The following SUSD4 variants were observed in gnomAD, a reference collection of about 807,000 sequenced individuals.
The protein encoded by SUSD4 is sushi domain containing 4, also known as sushi domain-containing protein 4.
A neutral mutation model predicts 50.5 loss-of-function variants in SUSD4; 41 were observed. The ratio of observed to expected loss-of-function variants is 0.81; its 90% CI spans 0.63 to 1.05. SUSD4 has a LOEUF of 1.05. Among genes scored for constraint, SUSD4 ranks in the 50% least tolerant of loss-of-function variants. The probability of loss-of-function intolerance (pLI) is 0.00; values close to 1 mark genes in which losing one functional copy is unlikely to be tolerated. For missense variants in SUSD4, 580 were observed against 634.7 expected (o/e 0.91, Z 0.93); for synonymous variants, 257 against 257.3 (o/e 1.00, Z 0.01).
chr1:223,273,498 G>A (rs751488044), intron 3 of SUSD4, among the ~76,000 whole-genome samples: 21 of 152,234 alleles, frequency 1.4e-4, no homozygotes, highest in Non-Finnish European at 2.1e-4. Flanking sequence ...TCTGGGCCAC[G>A]CTAGACAGAT....
intron 2 of SUSD4, among the ~76,000 whole-genome samples, chr1:223,302,441 C>T (rs1665256385): frequency 6.6e-6 from 1 of 152,220 alleles, no homozygotes; most frequent in Non-Finnish European, 1.5e-5. Flanking sequence ...ATCAGCACAA[C>T]TGTACTTCAG....
rs1442719667 is a variant in SUSD4, at chr1:223,363,641, C to T, written c.-35-181G>A. The stretch of plus-strand genomic sequence containing the variant: ...CCCCCGCCTTCCCCCGAGCCGGGTG[C>T]ACTGAGTAACAGCCGCCGTGGGATG... On this transcript the variant is annotated intron_variant, in intron 1 of 8. Transcript: ENST00000366878. 4 of 644,262 alleles carry T rather than the reference C, an allele frequency of 6.2e-6. No homozygotes were observed. In the African/African-American group the frequency reaches 7.3e-5, roughly 12 times the overall value. The allele number at this position is 644,262 out of a possible 1,614,324, so 39.9% of individuals were successfully genotyped here.
At chr1:223,243,451 A>T (rs1558175815) in intron 5 of SUSD4, among the ~76,000 whole-genome samples, 1 of 151,928 alleles carries the variant, frequency 6.6e-6, no homozygotes. Flanking sequence ...TCCAGCTCTG[A>T]TTTTTTTCTG....
At chr1:223,355,007 G>C (rs1668577945) in intron 2 of SUSD4, among the ~76,000 whole-genome samples, 1 of 151,762 alleles carries the variant, frequency 6.6e-6, no homozygotes, top group African/African-American at 2.4e-5. Context: ...CCCTAGGCTG[G>C]AGGGCAGTGG....
intron 7 of SUSD4, among the ~76,000 whole-genome samples, chr1:223,225,809 C>T (rs569845940): frequency 7.9e-5 from 12 of 152,226 alleles, no homozygotes; most frequent in African/African-American, 2.6e-4. Flanking sequence ...CACGTGTCCC[C>T]GCCATGCCAC....
intron 5 of SUSD4, among the ~76,000 whole-genome samples, chr1:223,238,473 G>A (rs1159439983): frequency 6.6e-6 from 1 of 151,946 alleles, no homozygotes; most frequent in Non-Finnish European, 1.5e-5. Context: ...TCTAACAGAT[G>A]CACTCAATGC....
intron 2 of SUSD4, among the ~76,000 whole-genome samples, chr1:223,353,055 C>A (rs1668454355): frequency 6.6e-6 from 1 of 152,184 alleles, no homozygotes; most frequent in Non-Finnish European, 1.5e-5. Flanking sequence ...ACAAAAGGAG[C>A]TGACCGGGCT....
intron 3 of SUSD4, among the ~76,000 whole-genome samples, chr1:223,269,571 T>C (rs1006087298): frequency 1.3e-5 from 2 of 152,202 alleles, no homozygotes; most frequent in Non-Finnish European, 1.5e-5. Context: ...TTAAGGCACA[T>C]TGATCGCAAT....
intron 2 of SUSD4, among the ~76,000 whole-genome samples, chr1:223,358,528 T>C (rs1168841087): frequency 2.6e-5 from 4 of 152,242 alleles, no homozygotes; most frequent in Non-Finnish European, 5.9e-5. Context: ...TTTGGAAATA[T>C]GTCTCTGAAA....
At chr1:223,346,988 T>G (rs1330432875) in intron 2 of SUSD4, among the ~76,000 whole-genome samples, 10 of 152,128 alleles carry the variant, frequency 6.6e-5, no homozygotes, top group South Asian at 6.2e-4. Context: ...TCACAAATAT[T>G]TTTTTTCATT....
chr1:223,227,460 C>T lies in SUSD4; in HGVS notation c.1061+134G>A. The T allele has an allele frequency of 1.6e-6, 2 of 1,230,694 alleles. No individual in the cohort carries two copies. The highest frequency in any genetic ancestry group is 3.2e-5 in the South Asian group (2 of 63,406). The allele number at this position is 1,230,694 out of a possible 1,614,324, so 76.2% of individuals were successfully genotyped here. ...CTCCAGCTTTGTGCTCAAAACATCC[C>T]AGAACATTGTTTTTGCTCTCCCCTG... On this transcript the variant is annotated intron_variant, in intron 7 of 8. Coordinates refer to ENST00000366878, the MANE Select transcript of SUSD4 (RefSeq NM_017982.4). The surrounding 1 kb of genome is among the most constrained non-coding windows in gnomAD (Gnocchi z 4.5).
intron 4 of SUSD4, 148 bp downstream of exon 4, chr1:223,268,354 A>G (rs1246150340): frequency 7.6e-6 from 8 of 1,054,552 alleles, no homozygotes; most frequent in African/African-American, 3.3e-5. Context: ...CAATTGTAGT[A>G]AAGATGCAAC....
chr1:223,309,988 C>A (rs886146771), intron 2 of SUSD4, among the ~76,000 whole-genome samples: 5 of 152,172 alleles, frequency 3.3e-5, no homozygotes, highest in Non-Finnish European at 7.3e-5. Context: ...AGGACCACGG[C>A]GTGCCTGGGA....
intron 5 of SUSD4, among the ~76,000 whole-genome samples, chr1:223,252,006 G>A (rs1178596053): frequency 1.4e-5 from 2 of 145,248 alleles, no homozygotes; most frequent in African/African-American, 5.1e-5. Flanking sequence ...ACTCACAGGT[G>A]GGAATTGAAC....
chr1:223,278,762 T>G (rs539132528), intron 3 of SUSD4, among the ~76,000 whole-genome samples: 1 of 152,256 alleles, frequency 6.6e-6, no homozygotes, highest in African/African-American at 2.4e-5. Context: ...ACGGACAGAC[T>G]GCCTCCTCAA....
chr1:223,278,572 C>T (rs1383260043), intron 3 of SUSD4, among the ~76,000 whole-genome samples: 4 of 152,202 alleles, frequency 2.6e-5, no homozygotes, highest in East Asian at 1.9e-4. Flanking sequence ...CCTGGAAGCT[C>T]GAACTGGGTG....
At chr1:223,317,718 A>G (rs1476729548) in intron 2 of SUSD4, among the ~76,000 whole-genome samples, 1 of 151,750 alleles carries the variant, frequency 6.6e-6, no homozygotes, top group African/African-American at 2.4e-5. Flanking sequence ...ATTTATTATT[A>G]TATTTATGAT....
Position 223,221,560 on chromosome 1 carries a change from A to G in SUSD4, c.*632T>C, listed in dbSNP as rs1169900123. 3 of 155,912 alleles carry G rather than the reference A, an allele frequency of 1.9e-5. No individual in the cohort carries two copies. Among genetic ancestry groups the G allele is most frequent in the African/African-American group, 7.2e-5 (3 of 41,626 alleles). 9.7% of individuals were successfully genotyped at this position (155,912 alleles called of 1,614,324 possible). Reference sequence around the variant, plus strand: ...AATTTCCAGAAAGCAGAGTCTGCCCATCTTTCCTTTCCTTTCTCACTGCAA... The same window carrying G: ...AATTTCCAGAAAGCAGAGTCTGCCCGTCTTTCCTTTCCTTTCTCACTGCAA... On this transcript the variant is annotated 3_prime_UTR_variant, in exon 9 of 9. Coordinates refer to ENST00000366878, the MANE Select transcript of SUSD4 (RefSeq NM_017982.4).
chr1:223,295,282 G>T (rs966624199), intron 2 of SUSD4, among the ~76,000 whole-genome samples: 3 of 152,182 alleles, frequency 2.0e-5, no homozygotes, highest in African/African-American at 7.2e-5. Flanking sequence ...AGCAGCAATG[G>T]AATTCATGGT....
Sources: gnomAD v4.1 joint callset for allele counts (sites outside exome capture counted in the v4.1 genomes callset) on GRCh38, gnomAD v4.1.1 for gene constraint, Gnocchi (gnomAD v3.1) non-coding constraint, MANE v1.5 for transcripts, NCBI Gene and HGNC (gene_info 2026-07-23, HGNC 2026-07-21) for gene names.